Variants in ESM1 observed in about 807,000 individuals in gnomAD.
ESM1 encodes the protein endothelial cell-specific molecule 1.
Under a neutral mutation model 14.9 loss-of-function variants are expected in ESM1, and 7 were observed. The observed-to-expected ratio is 0.47, with a 90% CI of 0.27 to 0.88. ESM1 has a LOEUF of 0.88. Ranked by LOEUF, ESM1 falls within the 40% of genes least tolerant of loss-of-function variation. ESM1 has a pLI of 0.14. For synonymous variants in ESM1, 89 were observed against 89.4 expected, an observed-to-expected ratio of 1.00 and a Z score of 0.02; for missense variants, 192 against 237.9, an observed-to-expected ratio of 0.81 and a Z score of 1.27.
At chr5:54,982,804 G>A (rs1740413882) in intron 1 of ESM1, among the ~76,000 whole-genome samples, 1 of 152,130 alleles carries the variant, frequency 6.6e-6, no homozygotes, top group Admixed American at 6.5e-5. Flanking sequence ...GATGCTAAAT[G>A]AGCAAGAAAG....
intron 1 of ESM1, among the ~76,000 whole-genome samples, chr5:54,984,781 C>A (rs1489236633): frequency 6.6e-6 from 1 of 152,130 alleles, no homozygotes; most frequent in Non-Finnish European, 1.5e-5. Context: ...ATCCTGTGGA[C>A]CCTTTCAAGA....
In ESM1 at chr5:54,981,980, C is replaced by T; in HGVS notation, c.451+17G>A. ...TGAGACTATTCTTCCAATGCTTATACCAGAATCAGTGCTTACCCGTGAGAG... is the reference window on the plus strand; with the variant it reads ...TGAGACTATTCTTCCAATGCTTATATCAGAATCAGTGCTTACCCGTGAGAG... On this transcript the variant is annotated intron_variant, in intron 2 of 2. Coordinates refer to ENST00000381405, the MANE Select transcript of ESM1 (RefSeq NM_007036.5). 1 of 1,611,084 alleles carries T rather than the reference C, an allele frequency of 6.2e-7. No homozygotes were observed. Among genetic ancestry groups the T allele is most frequent in the East Asian group, 2.2e-5 (1 of 44,872 alleles).
In ESM1 at chr5:54,985,206, T is replaced by G; in HGVS notation, c.301+11A>C. The G allele has an allele frequency of 6.3e-7, 1 of 1,584,280 alleles. No homozygotes were observed. The highest frequency in any genetic ancestry group is 8.6e-7 in the Non-Finnish European group (1 of 1,159,622). On this transcript the variant is annotated intron_variant, in intron 1 of 2. Coordinates refer to ENST00000381405, the MANE Select transcript of ESM1 (RefSeq NM_007036.5). Reference sequence around the variant, plus strand: ...GCCCCGGGAGGGGAGAGGTAAGGGGTCACTCTTTACCTTTGCAGATACCAA... The same window carrying G: ...GCCCCGGGAGGGGAGAGGTAAGGGGGCACTCTTTACCTTTGCAGATACCAA...
At chr5:54,981,257 T>C (rs1744046112) in intron 2 of ESM1, among the ~76,000 whole-genome samples, 1 of 152,220 alleles carries the variant, frequency 6.6e-6, no homozygotes, top group African/African-American at 2.4e-5. Context: ...GCTTTAGTGA[T>C]GTATGTTGCT....
At chr5:54,985,129 C>T in intron 1 of ESM1, 88 bp downstream of exon 1, 1 of 1,248,276 alleles carries the variant, frequency 8.0e-7, no homozygotes, top group African/African-American at 1.5e-5. Flanking sequence ...CCCTCTTACT[C>T]TTGAGGAGCA....
Position 54,979,196 on chromosome 5 carries a change from C to T in ESM1, c.*136G>A. ...TTGTAAGTATCCTACTTTTTGTTTTCTGGATCCACCATGCATCACATTTGG... is the reference window on the plus strand; with the variant it reads ...TTGTAAGTATCCTACTTTTTGTTTTTTGGATCCACCATGCATCACATTTGG... On this transcript the variant is annotated 3_prime_UTR_variant, in exon 3 of 3. Transcript: ENST00000381405. 14 of 660,306 alleles carry T rather than the reference C, an allele frequency of 2.1e-5. No homozygotes were observed. The highest frequency in any genetic ancestry group is 3.0e-4 in the Middle Eastern group (1 of 3,312). 40.9% of individuals were successfully genotyped at this position (660,306 alleles called of 1,614,324 possible).
chr5:54,981,661 C>T (rs1384159517), intron 2 of ESM1, among the ~76,000 whole-genome samples: 1 of 152,122 alleles, frequency 6.6e-6, no homozygotes, highest in Non-Finnish European at 1.5e-5. Flanking sequence ...ATATATAAAA[C>T]AGATCACTGA....
chr5:54,979,485 A>G (rs1264113701), intron 2 of ESM1, 50 bp from the exon 3 acceptor site: 11 of 1,244,808 alleles, frequency 8.8e-6, no homozygotes, highest in Non-Finnish European at 1.3e-5. Context: ...TAGCTCAAAG[A>G]CAACACAGTT....
chr5:54,982,050 G>A lies in ESM1; in HGVS notation c.398C>T (p.Pro133Leu), dbSNP rs748895418. The A allele has an allele frequency of 1.2e-6, 2 of 1,614,146 alleles. No homozygotes were observed. The highest frequency in any genetic ancestry group is 1.3e-5 in the African/African-American group (1 of 75,034). Residue 133 changes from proline (P) to leucine (L), a missense_variant, in exon 2 of 3, where the codon CCC becomes CTC. Pro to Leu is a moderately conservative substitution (Grantham distance 98). Coordinates refer to ENST00000381405, the MANE Select transcript of ESM1 (RefSeq NM_007036.5). ...DRGTGKCLKF[P>L]FFQYSVTKSS... ...CTTGGTTACTGAATATTGGAAGAAG[G>A]GGAATTTCAGGCATTTTCCCGTCCC...
chr5:54,979,162 T>C lies in ESM1; in HGVS notation c.*170A>G. The C allele has an allele frequency of 1.7e-6, 1 of 596,458 alleles. No homozygotes were observed. Among genetic ancestry groups the C allele is most frequent in the Non-Finnish European group, 3.0e-6 (1 of 331,726 alleles). The allele number at this position is 596,458 out of a possible 1,614,324, so 36.9% of individuals were successfully genotyped here. A position where few individuals can be genotyped will look rare whatever the true frequency, so the allele number is the denominator to read the frequency against. ...ACATACAAGTGTTCAGTCATATGGA[T>C]GTTATGGATTGTAAGTATCCTACTT... On this transcript the variant is annotated 3_prime_UTR_variant, in exon 3 of 3. Transcript: ENST00000381405.
Position 54,985,210 on chromosome 5 carries a change from T to A in ESM1, c.301+7A>T. On this transcript the variant is annotated splice_region_variant and intron_variant, in intron 1 of 2. Coordinates refer to ENST00000381405, the MANE Select transcript of ESM1 (RefSeq NM_007036.5). ...CGGGAGGGGAGAGGTAAGGGGTCAC[T>A]CTTTACCTTTGCAGATACCAAACTC... 6.2e-7 allele frequency: 1 copy of A among 1,602,508 alleles called. No homozygotes were observed.
rs919221099 is a variant in ESM1 at position 54,978,912 on chromosome 5, C to A, written c.*420G>T. On this transcript the variant is annotated 3_prime_UTR_variant, in exon 3 of 3. Transcript: ENST00000381405. ...AAATATTTTATTTCCCACTCCCACC[C>A]CCTCCCCATCTTCTCCTGCTCTTAA... 1 of 152,598 alleles carries A rather than the reference C, an allele frequency of 6.6e-6. No individual in the cohort carries two copies. The highest frequency in any genetic ancestry group is 1.9e-4 in the East Asian group (1 of 5,200). 9.5% of individuals were successfully genotyped at this position (152,598 alleles called of 1,614,324 possible). A position where few individuals can be genotyped will look rare whatever the true frequency, so the allele number is the denominator to read the frequency against.
intron 1 of ESM1, 31 bp from the exon 2 acceptor site, chr5:54,982,177 C>T: frequency 2.5e-6 from 4 of 1,609,974 alleles, no homozygotes; most frequent in Non-Finnish European, 2.5e-6. Context: ...GGAGAGGACG[C>T]TGCTTGTTGT....
rs199807166 is a variant in ESM1 at position 54,985,204 on chromosome 5, G to C, written c.301+13C>G. 252 of 1,587,012 alleles carry C rather than the reference G, an allele frequency of 1.6e-4. 1 individual carries two copies. The highest frequency in any genetic ancestry group is 2.2e-4 in the South Asian group (19 of 87,976). On this transcript the variant is annotated intron_variant, in intron 1 of 2. Coordinates refer to ENST00000381405, the MANE Select transcript of ESM1 (RefSeq NM_007036.5). Reference sequence around the variant, plus strand: ...ATGCCCCGGGAGGGGAGAGGTAAGGGGTCACTCTTTACCTTTGCAGATACC... The same window carrying C: ...ATGCCCCGGGAGGGGAGAGGTAAGGCGTCACTCTTTACCTTTGCAGATACC...
intron 1 of ESM1, 70 bp from the exon 2 acceptor site, chr5:54,982,216 G>C: frequency 6.6e-7 from 1 of 1,506,522 alleles, no homozygotes; most frequent in African/African-American, 1.4e-5. Flanking sequence ...ACAGCCCTGG[G>C]TGCATAGCCT....
intron 1 of ESM1, 28 bp downstream of exon 1, chr5:54,985,189 A>T: frequency 6.4e-7 from 1 of 1,558,890 alleles, no homozygotes; most frequent in Non-Finnish European, 8.7e-7. Context: ...ATGCCCCGGG[A>T]GGGGAGAGGT....
At chr5:54,982,452 ACCAATAAATT>A (rs1203118471) in intron 1 of ESM1, among the ~76,000 whole-genome samples, 3 of 152,214 alleles carry the variant, frequency 2.0e-5, no homozygotes, top group African/African-American at 7.2e-5. Context: ...CTGCTTAGAT[ACCAATAAATT>A]CTCACAGATG....
Position 54,979,121 on chromosome 5 carries a change from C to G in ESM1, c.*211G>C, listed in dbSNP as rs144104503. 1.4e-5 allele frequency: 7 copies of G among 510,958 alleles called. No homozygotes were observed. In the South Asian group the frequency reaches 1.8e-4, roughly 13 times the overall value. The allele number at this position is 510,958 out of a possible 1,614,324, so 31.7% of individuals were successfully genotyped here. ...CACATTTAACAAATCTACATGCATTCGAATATTTAACAAACACATACAAGT... is the reference window on the plus strand; with the variant it reads ...CACATTTAACAAATCTACATGCATTGGAATATTTAACAAACACATACAAGT... On this transcript the variant is annotated 3_prime_UTR_variant, in exon 3 of 3. Transcript: ENST00000381405.
chr5:54,985,588 G>A lies in ESM1; in HGVS notation c.-71C>T. On this transcript the variant is annotated 5_prime_UTR_variant, in exon 1 of 3. Coordinates refer to ENST00000381405, the MANE Select transcript of ESM1 (RefSeq NM_007036.5). The stretch of plus-strand genomic sequence containing the variant: ...TGGTGGGAAGCAGCCGTCCAAACTG[G>A]TAGCTGAGCCTCTGCCTACACGTTT... 7.0e-7 allele frequency: 1 copy of A among 1,421,734 alleles called. No individual in the cohort carries two copies. The highest frequency in any genetic ancestry group is 9.6e-7 in the Non-Finnish European group (1 of 1,046,814). 88.1% of individuals were successfully genotyped at this position (1,421,734 alleles called of 1,614,324 possible).
Sources: allele counts gnomAD v4.1 joint callset (sites outside exome capture counted in the v4.1 genomes callset), GRCh38; gene constraint gnomAD v4.1.1; transcripts MANE v1.5; gene names NCBI Gene and HGNC (gene_info 2026-07-23, HGNC 2026-07-21).